Variants in PPM1E observed in about 807,000 individuals in gnomAD.
PPM1E encodes the protein protein phosphatase 1E.
Under a neutral mutation model 65.9 loss-of-function variants are expected in PPM1E, and 20 were observed. The observed-to-expected ratio is 0.30, with a 90% CI of 0.21 to 0.44. The LOEUF is 0.44. Ranked by LOEUF, PPM1E falls within the 20% of genes least tolerant of loss-of-function variation. The pLI is 1.00. For missense variants in PPM1E, 713 were observed against 953.1 expected (o/e 0.75, Z 3.32); for synonymous variants, 352 against 374.9 (o/e 0.94, Z 0.70).
chr17:58,819,556 G>A (rs2050459337), intron 1 of PPM1E, among the ~76,000 whole-genome samples: 2 of 152,062 alleles, frequency 1.3e-5, no homozygotes, highest in Non-Finnish European at 2.9e-5. Context: ...CCTGAGACTG[G>A]GTAATTTATA....
intron 3 of PPM1E, among the ~76,000 whole-genome samples, chr17:58,968,237 C>A (rs923752493): frequency 3.3e-5 from 5 of 152,074 alleles, no homozygotes; most frequent in African/African-American, 1.2e-4. Flanking sequence ...ATATTTGATA[C>A]TTTTGTGAAT....
At chr17:58,820,503 GT>G (rs1378260174) in intron 1 of PPM1E, among the ~76,000 whole-genome samples, 1 of 152,130 alleles carries the variant, frequency 6.6e-6, no homozygotes, top group Admixed American at 6.6e-5. Flanking sequence ...TGAATTTTTG[GT>G]TTTTTGGTTT....
chr17:58,889,977 G>C (rs751110361), intron 1 of PPM1E, among the ~76,000 whole-genome samples: 4 of 152,128 alleles, frequency 2.6e-5, no homozygotes, highest in Non-Finnish European at 4.4e-5. Flanking sequence ...AATTGTAGTC[G>C]AAGAAGCATG....
At chr17:58,840,810 C>T (rs2050710772) in intron 1 of PPM1E, among the ~76,000 whole-genome samples, 1 of 152,040 alleles carries the variant, frequency 6.6e-6, no homozygotes, top group Non-Finnish European at 1.5e-5. Flanking sequence ...CTGATCTGGG[C>T]CAGCGTCATC....
At chr17:58,882,946 ACTTT>A (rs927456737) in intron 1 of PPM1E, among the ~76,000 whole-genome samples, 15 of 126,036 alleles carry the variant, frequency 1.2e-4, no homozygotes, top group African/African-American at 4.1e-4. Context: ...TTTTGTTATT[ACTTT>A]CTTTTTTTTT....
In PPM1E at chr17:58,980,919, C is replaced by T; in HGVS notation, c.2156C>T (p.Ser719Phe). The stretch of plus-strand genomic sequence containing the variant: ...GGGAAGAGAAATAGGATAAGAAGTT[C>T]TCTGCCATGGAGGCAAAATAGTTGG... Reference protein sequence around the residue: ...GSGKRNRIRSSLPWRQNSWKG... With the variant: ...GSGKRNRIRSFLPWRQNSWKG... Residue 719 changes from serine to phenylalanine, a missense_variant, in exon 7 of 7, where the codon TCT (serine) becomes TTT (phenylalanine). By Grantham distance (155) the Ser-to-Phe change is radical. Around this residue, in one of 6 missense-constraint regions of PPM1E, gnomAD observed 286 missense variants for 313.8 expected, o/e 0.91. Coordinates refer to ENST00000308249, the MANE Select transcript of PPM1E (RefSeq NM_014906.5). This position sits in a 1 kb window ranked among gnomAD's most constrained non-coding sequence, Gnocchi z 4.7. The T allele has an allele frequency of 6.2e-7, 1 of 1,614,140 alleles. No homozygotes were observed.
chr17:58,798,226 G>GTTTTTTTTT (rs1182858502), intron 1 of PPM1E, among the ~76,000 whole-genome samples: 1 of 128,192 alleles, frequency 7.8e-6, no homozygotes, highest in East Asian at 2.6e-4. Flanking sequence ...TACGTTTTTT[G>GTTTTTTTTT]TTTGTTTTTT....
chr17:58,831,347 A>G (rs1340218556), intron 1 of PPM1E, among the ~76,000 whole-genome samples: 1 of 152,230 alleles, frequency 6.6e-6, no homozygotes, highest in Non-Finnish European at 1.5e-5. Context: ...CTCTTTAGCC[A>G]GCATTTTGGG....
At chr17:58,878,428 G>T (rs893572408) in intron 1 of PPM1E, among the ~76,000 whole-genome samples, 6 of 151,512 alleles carry the variant, frequency 4.0e-5, no homozygotes, top group African/African-American at 1.5e-4. Context: ...ATTTTTAGTA[G>T]AAATGGGGTT....
At chr17:58,843,068 C>T (rs575935702) in intron 1 of PPM1E, among the ~76,000 whole-genome samples, 13 of 152,026 alleles carry the variant, frequency 8.6e-5, no homozygotes, top group East Asian at 1.9e-4. Context: ...AGGCAGATCA[C>T]GAGGTCAGGA....
intron 1 of PPM1E, among the ~76,000 whole-genome samples, chr17:58,856,231 GTTCATTTTATTTTATTTTATT>G (rs1330393682): frequency 6.6e-6 from 1 of 151,968 alleles, no homozygotes; most frequent in African/African-American, 2.4e-5. Flanking sequence ...AGTAATATGT[GTTCATTTTATTTTATTTTATT>G]TTTTGAGATG....
chr17:58,919,604 G>A (rs1278925122), intron 1 of PPM1E, among the ~76,000 whole-genome samples: 1 of 152,008 alleles, frequency 6.6e-6, no homozygotes, highest in Non-Finnish European at 1.5e-5. Context: ...TGACCAACAT[G>A]GAGAAACCCT....
chr17:58,944,898 G>A (rs980490244), intron 1 of PPM1E, among the ~76,000 whole-genome samples: 2 of 152,128 alleles, frequency 1.3e-5, no homozygotes, highest in Admixed American at 1.3e-4. Flanking sequence ...TGTTTAAAAT[G>A]TTAAGGAAGT....
chr17:58,767,795 A>G (rs987070198), intron 1 of PPM1E, among the ~76,000 whole-genome samples: 1 of 151,998 alleles, frequency 6.6e-6, no homozygotes, highest in Non-Finnish European at 1.5e-5. Flanking sequence ...GGCATGCACC[A>G]CCACGCTGGG....
At chr17:58,930,844 A>G (rs973697254) in intron 1 of PPM1E, among the ~76,000 whole-genome samples, 2 of 152,138 alleles carry the variant, frequency 1.3e-5, no homozygotes, top group Non-Finnish European at 2.9e-5. Flanking sequence ...ATAAAGTAGA[A>G]TAATTGTCTC....
chr17:58,971,070 G>A (rs2030581737), intron 4 of PPM1E, among the ~76,000 whole-genome samples: 1 of 152,008 alleles, frequency 6.6e-6, no homozygotes, highest in African/African-American at 2.4e-5. Flanking sequence ...ATTTAGGTTT[G>A]TCTCAGCGCC....
chr17:58,966,068 C>A, intron 3 of PPM1E, 175 bp downstream of exon 3: 1 of 651,634 alleles, frequency 1.5e-6, no homozygotes, highest in Non-Finnish European at 2.6e-6. Flanking sequence ...ATTTTACGTT[C>A]TTTTGAATAG....
At chr17:58,824,900 G>A (rs975841400) in intron 1 of PPM1E, among the ~76,000 whole-genome samples, 1 of 151,696 alleles carries the variant, frequency 6.6e-6, no homozygotes, top group Admixed American at 6.6e-5. Flanking sequence ...GAGCCACTGC[G>A]CCCAGCCTGC....
At chr17:58,848,768 C>T (rs1409874041) in intron 1 of PPM1E, among the ~76,000 whole-genome samples, 3 of 152,210 alleles carry the variant, frequency 2.0e-5, no homozygotes, top group Non-Finnish European at 4.4e-5. Context: ...GCTTTGCTAT[C>T]AGGACGATGT....
Sources: gnomAD v4.1 joint callset for allele counts (sites outside exome capture counted in the v4.1 genomes callset) on GRCh38, gnomAD v4.1.1 for gene constraint, gnomAD v4.1.1 regional missense constraint, Gnocchi (gnomAD v3.1) non-coding constraint, MANE v1.5 for transcripts, NCBI Gene and HGNC (gene_info 2026-07-23, HGNC 2026-07-21) for gene names.